PLVAP: variants seen among roughly 807,000 people sequenced by gnomAD.
The protein encoded by PLVAP is plasmalemma vesicle associated protein, also known as plasmalemma vesicle-associated protein.
A neutral mutation model predicts 43.1 loss-of-function variants in PLVAP; 34 were observed. The ratio of observed to expected loss-of-function variants is 0.79; its 90% CI spans 0.60 to 1.05. The LOEUF is 1.05. Among genes scored for constraint, PLVAP ranks in the 50% least tolerant of loss-of-function variants. The pLI, the probability that PLVAP is intolerant of heterozygous loss-of-function variation, is 0.00. For synonymous variants in PLVAP, 241 were observed against 237.3 expected, an observed-to-expected ratio of 1.02 and a Z score of -0.14; for missense variants, 574 against 593.4, an observed-to-expected ratio of 0.97 and a Z score of 0.34.
intron 1 of PLVAP, among the ~76,000 whole-genome samples, chr19:17,374,823 T>TA: frequency 7.3e-6 from 1 of 137,122 alleles, no homozygotes. Context: ...TGTATGTATG[T>TA]ATGTATTTAT....
Position 17,360,574 on chromosome 19 carries a change from G to C in PLVAP, c.1276C>G (p.Leu426Val). 6.2e-7 allele frequency: 1 copy of C among 1,613,852 alleles called. No individual in the cohort carries two copies. Among genetic ancestry groups the C allele is most frequent in the Non-Finnish European group, 8.5e-7 (1 of 1,179,872 alleles). ...CCTGCAGGGGGCCTCTGGGACTCCA[G>C]GATCTTCCTCTTGAACTCCTCCAGG... ...ASLEEFKRKI[L>V]ESQRPPAGIP... is the part of the protein sequence containing the mutation. Residue 426 changes from leucine to valine, a missense_variant, in exon 5 of 6, where the codon CTG becomes GTG. By Grantham distance (32) the Leu-to-Val change is conservative. Coordinates refer to ENST00000252590, the MANE Select transcript of PLVAP (RefSeq NM_031310.3).
chr19:17,375,816 G>T (rs1433324813), intron 1 of PLVAP, among the ~76,000 whole-genome samples: 1 of 151,730 alleles, frequency 6.6e-6, no homozygotes, highest in African/African-American at 2.4e-5. Context: ...GGGAGGTGGA[G>T]GTTGCAGTGA....
rs540448820 is a variant in PLVAP, at chr19:17,369,034, C to T, written c.370-2839G>A. Among the ~76,000 whole-genome samples the T allele has an allele frequency of 2.6e-5, 4 of 152,272 alleles. No homozygotes were observed. In the East Asian group the frequency reaches 7.7e-4, roughly 29 times the overall value. On this transcript the variant is annotated intron_variant, in intron 1 of 5. Coordinates refer to ENST00000252590, the MANE Select transcript of PLVAP (RefSeq NM_031310.3). The stretch of plus-strand genomic sequence containing the variant: ...CTGGAACAGATCCTTCCCTCACAGC[C>T]TCAGAAGGAACCAACCCCGCTAACA...
At chr19:17,356,481 A>G (rs1333424070) in intron 5 of PLVAP, among the ~76,000 whole-genome samples, 1 of 152,084 alleles carries the variant, frequency 6.6e-6, no homozygotes, top group African/African-American at 2.4e-5. Context: ...ATTTTTTTAA[A>G]CTAAACACTA....
In PLVAP at chr19:17,352,289, T is replaced by C; in HGVS notation, c.*73A>G. On this transcript the variant is annotated 3_prime_UTR_variant, in exon 6 of 6. Coordinates refer to ENST00000252590, the MANE Select transcript of PLVAP (RefSeq NM_031310.3). ...GGCGGGAGGGGGTTGTGTCGGGCGC[T>C]GTGAGCATATCCCTGCATCCTCCGC... 6.3e-7 allele frequency: 1 copy of C among 1,590,458 alleles called. No individual in the cohort carries two copies. The highest frequency in any genetic ancestry group is 8.6e-7 in the Non-Finnish European group (1 of 1,160,710).
intron 5 of PLVAP, among the ~76,000 whole-genome samples, chr19:17,357,485 AGAC>A: frequency 6.6e-6 from 1 of 151,962 alleles, no homozygotes; most frequent in African/African-American, 2.4e-5. Context: ...CAACATAGCA[AGAC>A]CCCTGTCTCT....
intron 1 of PLVAP, among the ~76,000 whole-genome samples, chr19:17,374,796 T>TTGTATGTATGTATGTA (rs776250486): frequency 5.0e-5 from 7 of 141,144 alleles, no homozygotes. Flanking sequence ...TGACTAATTT[T>TTGTATGTATGTATGTA]TGTATGTATG....
In PLVAP at chr19:17,352,227, G is replaced by C; in HGVS notation, c.*135C>G. The C allele has an allele frequency of 8.1e-7, 1 of 1,236,296 alleles. No homozygotes were observed. The highest frequency in any genetic ancestry group is 1.3e-5 in the South Asian group (1 of 77,624). The allele number at this position is 1,236,296 out of a possible 1,614,324, so 76.6% of individuals were successfully genotyped here. A position where few individuals can be genotyped will look rare whatever the true frequency, so the allele number is the denominator to read the frequency against. ...AGAGGGTACTAGGGGTTTGCATGCA[G>C]GGAGTTGTCTGATGGTGGCCCTGGG... On this transcript the variant is annotated 3_prime_UTR_variant, in exon 6 of 6. Transcript: ENST00000252590.
At chr19:17,361,920 A>T (rs2074530103) in intron 3 of PLVAP, among the ~76,000 whole-genome samples, 1 of 101,158 alleles carries the variant, frequency 9.9e-6, no homozygotes, top group Middle Eastern at 4.5e-3. Context: ...AAATAAAAAA[A>T]AATAAAAAAA....
At chr19:17,363,305 A>G (rs965340407) in intron 3 of PLVAP, among the ~76,000 whole-genome samples, 2 of 151,996 alleles carry the variant, frequency 1.3e-5, no homozygotes, top group Non-Finnish European at 2.9e-5. Flanking sequence ...CAGCTGGGAT[A>G]ACAGGTGTCT....
chr19:17,363,913 T>A (rs1446864895), intron 3 of PLVAP, among the ~76,000 whole-genome samples: 1 of 151,444 alleles, frequency 6.6e-6, no homozygotes, highest in African/African-American at 2.4e-5. Flanking sequence ...CGGCTAAATT[T>A]TTTTTTGTAT....
In PLVAP at chr19:17,365,892, G is replaced by A. The variant is rs770592067; in HGVS notation, c.573C>T (p.Arg191=). 1.4e-5 allele frequency: 23 copies of A among 1,613,960 alleles called. No homozygotes were observed. The highest frequency in any genetic ancestry group is 1.2e-4 in the African/African-American group (9 of 74,926). The change falls in exon 3 of 6, where the codon CGC becomes CGT. Residue 191 remains arginine (R), a synonymous_variant. Transcript: ENST00000252590. ...KDKESVLLNK[R]VAEEQLVECV... ...ATTCAACCAGCTGTTCCTCCGCCAC[G>A]CGTTTGTTCAGCAGCACGCTTTCCT... is the stretch of plus-strand genomic sequence containing the variant.
At chr19:17,368,064 AT>A (rs34115667) in intron 1 of PLVAP, among the ~76,000 whole-genome samples, 7,886 of 75,974 alleles carry the variant, frequency 0.1, 424 homozygotes, top group African/African-American at 0.23. Flanking sequence ...TGCCCGGCTA[AT>A]TTTTTTTTTT....
intron 5 of PLVAP, among the ~76,000 whole-genome samples, chr19:17,359,306 G>A (rs1283759818): frequency 6.7e-6 from 1 of 148,242 alleles, no homozygotes; most frequent in Non-Finnish European, 1.5e-5. Flanking sequence ...TAGAGACAGG[G>A]TTTCACCATG....
chr19:17,361,980 G>C (rs1284292956), intron 3 of PLVAP: 2 of 152,120 alleles, frequency 1.3e-5, no homozygotes, highest in Non-Finnish European at 2.9e-5. Flanking sequence ...CAGCTACTCG[G>C]GGAAGCTGAG....
chr19:17,370,174 T>C (rs1362502642), intron 1 of PLVAP, among the ~76,000 whole-genome samples: 6 of 152,018 alleles, frequency 3.9e-5, no homozygotes, highest in African/African-American at 1.4e-4. Flanking sequence ...TGTGGGGAAA[T>C]CAGAATTCTC....
chr19:17,368,281 AG>A (rs1184060882), intron 1 of PLVAP, among the ~76,000 whole-genome samples: 16 of 151,940 alleles, frequency 1.1e-4, no homozygotes, highest in African/African-American at 3.6e-4. Context: ...CATGTTGGCC[AG>A]GCTGGTCTCA....
intron 3 of PLVAP, among the ~76,000 whole-genome samples, chr19:17,363,005 TCCCAGCCGTAAAAGAACC>T (rs1262310612): frequency 6.6e-6 from 1 of 151,984 alleles, no homozygotes; most frequent in African/African-American, 2.4e-5. Flanking sequence ...CCAATCCTCA[TCCCAGCCGTAAAAGAACC>T]CACCAGCTCC....
chr19:17,370,415 G>A (rs780593591), intron 1 of PLVAP, among the ~76,000 whole-genome samples: 4 of 152,144 alleles, frequency 2.6e-5, no homozygotes, highest in Non-Finnish European at 4.4e-5. Context: ...ATGAATTAAC[G>A]CACAAAATGT....
Sources: allele counts gnomAD v4.1 joint callset (sites outside exome capture counted in the v4.1 genomes callset), GRCh38; gene constraint gnomAD v4.1.1; transcripts MANE v1.5; gene names NCBI Gene and HGNC (gene_info 2026-07-23, HGNC 2026-07-21).